Variants in UCKL1 observed in about 807,000 individuals in gnomAD.
The protein encoded by UCKL1 is uridine-cytidine kinase-like 1.
Under a neutral mutation model 59.2 loss-of-function variants are expected in UCKL1, and 65 were observed. The ratio of observed to expected loss-of-function variants is 1.10; its 90% CI spans 0.90 to 1.35. The LOEUF is 1.35. UCKL1 is among the 40% of genes most tolerant of loss of function. UCKL1 has a pLI of 0.00. For synonymous variants in UCKL1, 410 were observed against 323.1 expected, an observed-to-expected ratio of 1.27 and a Z score of -2.88; for missense variants, 703 against 784.3, an observed-to-expected ratio of 0.90 and a Z score of 1.24.
rs762441719 is a variant in UCKL1, at chr20:63,946,151, G to A, written c.411+10C>T. ...AAAGGGGTCCTCGGGGGAGCTGGGC[G>A]GGGGCCCACCTTGTAGAAGGAGTCC... On this transcript the variant is annotated intron_variant, in intron 3 of 14. Transcript: ENST00000354216. 30 of 1,610,642 alleles carry A rather than the reference G, an allele frequency of 1.9e-5. No individual in the cohort carries two copies. The highest frequency in any genetic ancestry group is 6.7e-5 in the Admixed American group (4 of 59,858).
intron 8 of UCKL1, chr20:63,941,469 G>A (rs1358418024): frequency 3.7e-6 from 2 of 536,794 alleles, no homozygotes; most frequent in Non-Finnish European, 6.9e-6. Flanking sequence ...TAGGCTGTGA[G>A]GGCCCCTCCC....
intron 1 of UCKL1, chr20:63,955,661 C>G (rs2058491980): frequency 6.6e-6 from 1 of 152,354 alleles, no homozygotes; most frequent in Non-Finnish European, 1.5e-5. Context: ...CCACCGCCCC[C>G]TGACGGCCAC....
At chr20:63,947,514 C>G (rs2146579030) in intron 1 of UCKL1, among the ~76,000 whole-genome samples, 1 of 152,348 alleles carries the variant, frequency 6.6e-6, no homozygotes, top group South Asian at 2.1e-4. Context: ...CTGAAGGGCT[C>G]AGGGAGAGAG....
Position 63,946,206 on chromosome 20 carries a change from C to T in UCKL1, c.366G>A (p.Leu122=). 6.2e-7 allele frequency: 1 copy of T among 1,611,670 alleles called. No homozygotes were observed. The highest frequency in any genetic ancestry group is 8.5e-7 in the Non-Finnish European group (1 of 1,179,446). ...TTVARMIIEA[L]DVPWVVLLSM... ...ACAGCAAGACCACCCAGGGCACATC[C>T]AGGGCCTCGATGATCATTCTGGCCA... Residue 122 remains leucine (L), a synonymous_variant, in exon 3 of 15, where the codon CTG becomes CTA. Coordinates refer to ENST00000354216, the MANE Select transcript of UCKL1 (RefSeq NM_017859.4).
Position 63,946,230 on chromosome 20 carries a change from C to G in UCKL1, c.342G>C (p.Val114=). 1 of 1,607,444 alleles carries G rather than the reference C, an allele frequency of 6.2e-7. No homozygotes were observed. Among genetic ancestry groups the G allele is most frequent in the East Asian group, 2.2e-5 (1 of 44,468 alleles). Residue 114 remains valine (V), a synonymous_variant, in exon 3 of 15, where the codon GTG becomes GTC. Transcript: ENST00000354216. ...CCAGGGCCTCGATGATCATTCTGGC[C>G]ACAGTGGTCTTCCCAGAGGCACTGC... is the stretch of plus-strand genomic sequence containing the variant. ...GGGSASGKTT[V]ARMIIEALDV... is the part of the protein sequence containing the mutation.
chr20:63,954,204 G>C (rs2058174858), intron 1 of UCKL1: 1 of 152,824 alleles, frequency 6.5e-6, no homozygotes, highest in African/African-American at 2.4e-5. Flanking sequence ...TCCCTCAGCA[G>C]GACCTGCCCT....
intron 1 of UCKL1, among the ~76,000 whole-genome samples, chr20:63,949,083 A>G (rs1030929889): frequency 6.6e-6 from 1 of 152,176 alleles, no homozygotes; most frequent in Non-Finnish European, 1.5e-5. Context: ...CCTGACGGGG[A>G]AAACGCGCTG....
intron 13 of UCKL1, 33 bp downstream of exon 13, chr20:63,940,345 T>A (rs371811051): frequency 5.0e-6 from 8 of 1,611,680 alleles, no homozygotes; most frequent in Non-Finnish European, 6.8e-6. Flanking sequence ...CACCTCTGCC[T>A]GAACCTGCCC....
chr20:63,942,804 C>G, intron 8 of UCKL1: 1 of 448,262 alleles, frequency 2.2e-6, no homozygotes, highest in South Asian at 1.6e-5. Context: ...AAAGTTTTTC[C>G]TCTCAGAACA....
chr20:63,946,679 C>T, intron 1 of UCKL1, 36 bp from the exon 2 acceptor site: 2 of 1,588,802 alleles, frequency 1.3e-6, no homozygotes, highest in Non-Finnish European at 8.5e-7. Context: ...TGGCCCAGAG[C>T]TGCCCACCTC....
At chr20:63,946,765 G>A (rs1258095535) in intron 1 of UCKL1, 122 bp from the exon 2 acceptor site, 3 of 1,024,310 alleles carry the variant, frequency 2.9e-6, no homozygotes, top group Non-Finnish European at 4.2e-6. Flanking sequence ...AGGCGGGCAG[G>A]CTCATTGGGG....
chr20:63,940,199 CGTG>C lies in UCKL1; in HGVS notation c.1515_1517del (p.Thr506del), dbSNP rs1183971513. ...GGTCATTGACCCGCTTGTCCACCGC[CGTG>C]GTGATGATTCTCACTCGCGGAAATG... On this transcript the variant is annotated inframe_deletion, in exon 14 of 15. Transcript: ENST00000354216. 17 of 1,612,772 alleles carry C rather than the reference CGTG, an allele frequency of 1.1e-5. No individual in the cohort carries two copies. Among genetic ancestry groups the C allele is most frequent in the Non-Finnish European group, 1.4e-5 (17 of 1,179,988 alleles).
At chr20:63,948,881 C>G (rs770203245) in intron 1 of UCKL1, among the ~76,000 whole-genome samples, 10 of 152,032 alleles carry the variant, frequency 6.6e-5, no homozygotes, top group Admixed American at 4.6e-4. Flanking sequence ...GCATCTCCAG[C>G]GTGGGAACAC....
At position 63,946,319 on chromosome 20, in the gene UCKL1, A is replaced by G. The variant is rs762325828; in HGVS notation, c.305-52T>C. On this transcript the variant is annotated intron_variant, in intron 2 of 14. Transcript: ENST00000354216. ...TGAGGAACAGGCAGGCTGCCGGCAC[A>G]GATAGGTCCCAGAGGTGCCCATCCC... The G allele has an allele frequency of 3.6e-4, 551 of 1,549,298 alleles. 1 individual carries two copies. Among genetic ancestry groups the G allele is most frequent in the Non-Finnish European group, 4.6e-4 (523 of 1,144,766 alleles).
intron 1 of UCKL1, among the ~76,000 whole-genome samples, chr20:63,950,038 C>T (rs1033498904): frequency 6.6e-5 from 10 of 152,244 alleles, no homozygotes; most frequent in Admixed American, 2.6e-4. Context: ...ACCCCGTCAC[C>T]GCAGATCCCT....
Position 63,956,245 on chromosome 20 carries a change from G to T in UCKL1, c.113+15C>A. 1 of 1,517,338 alleles carries T rather than the reference G, an allele frequency of 6.6e-7. No homozygotes were observed. 94.0% of individuals were successfully genotyped at this position (1,517,338 alleles called of 1,614,324 possible). A position where few individuals can be genotyped will look rare whatever the true frequency, so the allele number is the denominator to read the frequency against. ...TCCCGCTCGCCAGTGGAGTGGAGGC[G>T]AGGCCCACGCCTACCGGTCCTCGCA... is the stretch of plus-strand genomic sequence containing the variant. On this transcript the variant is annotated intron_variant, in intron 1 of 14. Transcript: ENST00000354216.
chr20:63,941,489 C>A (rs1187662626), intron 8 of UCKL1: 1 of 484,602 alleles, frequency 2.1e-6, no homozygotes, highest in Non-Finnish European at 3.9e-6. Flanking sequence ...CAGTGCGGGA[C>A]CCCTCCTGCG....
At chr20:63,946,856 T>C (rs1046315733) in intron 1 of UCKL1, among the ~76,000 whole-genome samples, 4 of 151,850 alleles carry the variant, frequency 2.6e-5, no homozygotes, top group Non-Finnish European at 5.9e-5. Flanking sequence ...GGCAGGTGGA[T>C]CATTTGAGGT....
chr20:63,947,094 C>G (rs1229937689), intron 1 of UCKL1, among the ~76,000 whole-genome samples: 1 of 151,914 alleles, frequency 6.6e-6, no homozygotes, highest in Non-Finnish European at 1.5e-5. Flanking sequence ...AAAAAAAAAC[C>G]CTGCCTCCTG....
Sources: gnomAD v4.1 joint callset for allele counts (sites outside exome capture counted in the v4.1 genomes callset) on GRCh38, gnomAD v4.1.1 for gene constraint, MANE v1.5 for transcripts, NCBI Gene and HGNC (gene_info 2026-07-23, HGNC 2026-07-21) for gene names.